Variants in C3orf70 observed in about 807,000 individuals in gnomAD.
The protein encoded by C3orf70 is chromosome 3 open reading frame 70, also known as UPF0524 protein C3orf70.
Under a neutral mutation model 20.7 loss-of-function variants are expected in C3orf70, and 15 were observed. The observed-to-expected ratio is 0.72, with a 90% CI of 0.48 to 1.11. C3orf70 has a LOEUF of 1.11. Ranked by LOEUF, C3orf70 falls within the 50% of genes most tolerant of loss-of-function variation. The pLI is 0.00. For synonymous variants in C3orf70, 161 were observed against 125.7 expected (o/e 1.28, Z -1.88); for missense variants, 332 against 317.6 (o/e 1.05, Z -0.34).
intron 1 of C3orf70, among the ~76,000 whole-genome samples, chr3:185,151,320 T>C (rs555838376): frequency 1.7e-4 from 26 of 152,350 alleles, no homozygotes; most frequent in African/African-American, 5.3e-4. Flanking sequence ...AACGATTCTA[T>C]ACTTTCCCAC....
intron 1 of C3orf70, among the ~76,000 whole-genome samples, chr3:185,141,663 T>C (rs1178014362): frequency 6.6e-6 from 1 of 152,204 alleles, no homozygotes; most frequent in Non-Finnish European, 1.5e-5. Flanking sequence ...CAAAAGGTTA[T>C]GTACTCTATG....
chr3:185,135,079 G>A (rs149836930), intron 1 of C3orf70, among the ~76,000 whole-genome samples: 105 of 152,144 alleles, frequency 6.9e-4, no homozygotes, highest in South Asian at 3.7e-3. Flanking sequence ...TTCATATAAT[G>A]GAAAAATGTT....
chr3:185,136,134 TA>T, intron 1 of C3orf70, among the ~76,000 whole-genome samples: 1 of 152,260 alleles, frequency 6.6e-6, no homozygotes, highest in East Asian at 1.9e-4. Context: ...ATGGGAACAT[TA>T]ACCAAAAGAA....
intron 1 of C3orf70, among the ~76,000 whole-genome samples, chr3:185,088,272 CTGGAATATTTAAAGAATTCT>C (rs1561327716): frequency 1.3e-5 from 2 of 152,138 alleles, no homozygotes; most frequent in South Asian, 4.1e-4. Context: ...CCCATATGAT[CTGGAATATTTAAAGAATTCT>C]TGCCACTCCA....
At chr3:185,105,123 T>A (rs1252347334) in intron 1 of C3orf70, among the ~76,000 whole-genome samples, 2 of 152,178 alleles carry the variant, frequency 1.3e-5, no homozygotes, top group Non-Finnish European at 2.9e-5. Context: ...AATTAGCAAA[T>A]ATACTAAAAC....
At position 185,097,333 on chromosome 3, in the gene C3orf70, AT is replaced by A. The variant is rs778660064; in HGVS notation, c.197-13771del. Among the ~76,000 whole-genome samples, 177 of 152,352 alleles carry A rather than the reference AT, an allele frequency of 1.2e-3. 1 individual carries two copies. Among genetic ancestry groups the A allele is most frequent in the Admixed American group, 4.2e-3 (65 of 15,308 alleles). ...ATTAACGGAGGAAGACTTTAGAAGA[AT>A]GTATACTAAAACCTATTTTTTAAAG... is the stretch of plus-strand genomic sequence containing the variant. On this transcript the variant is annotated intron_variant, in intron 1 of 1. Coordinates refer to ENST00000335012, the MANE Select transcript of C3orf70 (RefSeq NM_001025266.3).
At chr3:185,108,094 A>C (rs756591140) in intron 1 of C3orf70, among the ~76,000 whole-genome samples, 1 of 152,234 alleles carries the variant, frequency 6.6e-6, no homozygotes, top group East Asian at 1.9e-4. Context: ...AAATAGTCTT[A>C]CTTGGCAAAC....
intron 1 of C3orf70, among the ~76,000 whole-genome samples, chr3:185,127,279 A>C (rs908564693): frequency 1.6e-4 from 24 of 152,200 alleles, no homozygotes; most frequent in Admixed American, 1.4e-3. Flanking sequence ...GAGATAAATA[A>C]GGTGTTACTG....
At chr3:185,135,138 T>C (rs751645008) in intron 1 of C3orf70, among the ~76,000 whole-genome samples, 1 of 151,970 alleles carries the variant, frequency 6.6e-6, no homozygotes, top group Non-Finnish European at 1.5e-5. Flanking sequence ...CAGGGAGAAC[T>C]CAAACTAAAT....
At chr3:185,087,653 T>G (rs953075585) in intron 1 of C3orf70, among the ~76,000 whole-genome samples, 3 of 152,152 alleles carry the variant, frequency 2.0e-5, no homozygotes, top group Non-Finnish European at 4.4e-5. Context: ...TGCCAGGGAC[T>G]GGGCATACGG....
chr3:185,122,919 G>A (rs548057872), intron 1 of C3orf70, among the ~76,000 whole-genome samples: 111 of 152,020 alleles, frequency 7.3e-4, no homozygotes, highest in African/African-American at 2.7e-3. Flanking sequence ...ACTTTGGGAG[G>A]CCGACGCAGG....
At chr3:185,137,453 A>G (rs1364478814) in intron 1 of C3orf70, among the ~76,000 whole-genome samples, 3 of 152,208 alleles carry the variant, frequency 2.0e-5, no homozygotes, top group African/African-American at 7.2e-5. Flanking sequence ...CAGGATCTAA[A>G]AGACATTTAT....
rs1382701361 is a variant in C3orf70 at position 185,081,356 on chromosome 3, G to T, written c.*1651C>A. 6.6e-6 allele frequency: 1 copy of T among 152,022 alleles called. No homozygotes were observed. The highest frequency in any genetic ancestry group is 2.4e-5 in the African/African-American group (1 of 41,310). The allele number at this position is 152,022 out of a possible 1,614,324, so 9.4% of individuals were successfully genotyped here. A position where few individuals can be genotyped will look rare whatever the true frequency, so the allele number is the denominator to read the frequency against. ...TTGACCCCAGGAGGCAGAGGTTGTA[G>T]AGAGCCAAGATCACGCCGCTGCACT... On this transcript the variant is annotated 3_prime_UTR_variant, in exon 2 of 2. Coordinates refer to ENST00000335012, the MANE Select transcript of C3orf70 (RefSeq NM_001025266.3).
chr3:185,083,652 A>G, intron 1 of C3orf70, 89 bp from the exon 2 acceptor site: 1 of 1,144,472 alleles, frequency 8.7e-7, no homozygotes. Flanking sequence ...CAATGTCTTT[A>G]AAAATATTTC....
intron 1 of C3orf70, among the ~76,000 whole-genome samples, chr3:185,111,751 GTTCTC>G (rs1291510315): frequency 6.6e-6 from 1 of 152,132 alleles, no homozygotes; most frequent in Non-Finnish European, 1.5e-5. Flanking sequence ...CTAGGAGAGG[GTTCTC>G]TTCTATCTAA....
In C3orf70 at chr3:185,083,027, T is replaced by C; in HGVS notation, c.733A>G (p.Thr245Ala). The change falls in exon 2 of 2, where the codon ACG becomes GCG. Residue 245 changes from threonine to alanine, a missense_variant. By Grantham distance (58) the Thr-to-Ala change is moderately conservative. Coordinates refer to ENST00000335012, the MANE Select transcript of C3orf70 (RefSeq NM_001025266.3). Reference sequence around the variant, plus strand: ...GACTCTCACACAGTCGTTTCTATCGTTTCAATCACTTCCAGGTCAGACTGC... The same window carrying C: ...GACTCTCACACAGTCGTTTCTATCGCTTCAATCACTTCCAGGTCAGACTGC... ...PSQSDLEVIE[T>A]IETTV 6.2e-7 allele frequency: 1 copy of C among 1,613,780 alleles called. No individual in the cohort carries two copies. The highest frequency in any genetic ancestry group is 8.5e-7 in the Non-Finnish European group (1 of 1,179,866).
At chr3:185,101,398 T>C (rs949390264) in intron 1 of C3orf70, among the ~76,000 whole-genome samples, 4 of 151,660 alleles carry the variant, frequency 2.6e-5, no homozygotes, top group African/African-American at 9.8e-5. Flanking sequence ...AATCAAAAAA[T>C]ATGATTCATC....
intron 1 of C3orf70, among the ~76,000 whole-genome samples, chr3:185,134,397 A>G (rs1278757330): frequency 6.6e-6 from 1 of 152,210 alleles, no homozygotes; most frequent in Admixed American, 6.5e-5. Flanking sequence ...TAAAACAAAC[A>G]GAAAAAGACT....
intron 1 of C3orf70, among the ~76,000 whole-genome samples, chr3:185,140,838 T>C (rs1716735864): frequency 6.8e-6 from 1 of 147,130 alleles, no homozygotes; most frequent in African/African-American, 2.5e-5. Context: ...CATGGTGACC[T>C]ACACCTGTAA....
Sources: gnomAD v4.1 joint callset for allele counts (sites outside exome capture counted in the v4.1 genomes callset) on GRCh38, gnomAD v4.1.1 for gene constraint, MANE v1.5 for transcripts, NCBI Gene and HGNC (gene_info 2026-07-23, HGNC 2026-07-21) for gene names.